The following OGA variants were observed in gnomAD, a reference collection of about 807,000 sequenced individuals.
The protein encoded by OGA is protein O-GlcNAcase.
A neutral mutation model predicts 102.0 loss-of-function variants in OGA; 21 were observed. That is an observed-to-expected ratio of 0.21 (90% confidence interval 0.15 to 0.30). The LOEUF (loss-of-function observed/expected upper bound fraction) is 0.30. OGA is among the 10% of genes least tolerant of loss of function. The pLI is 1.00. For synonymous variants in OGA, 408 were observed against 378.2 expected, an observed-to-expected ratio of 1.08 and a Z score of -0.91; for missense variants, 765 against 1,107.8, an observed-to-expected ratio of 0.69 and a Z score of 4.39.
intron 10 of OGA, among the ~76,000 whole-genome samples, chr10:101,795,651 G>A (rs2065305102): frequency 6.6e-6 from 1 of 152,040 alleles, no homozygotes. Context: ...TACTCTCCCT[G>A]TCGTGAGCTT....
intron 10 of OGA, 94 bp downstream of exon 10, chr10:101,797,886 G>C: frequency 7.9e-7 from 1 of 1,269,594 alleles, no homozygotes; most frequent in Non-Finnish European, 1.1e-6. Context: ...ACTTGGAAAT[G>C]TGCCAATTCC....
rs953733175 is a variant in OGA, at chr10:101,807,847, T to A, written c.535A>T (p.Asn179Tyr). 2 of 1,606,296 alleles carry A rather than the reference T, an allele frequency of 1.2e-6. No individual in the cohort carries two copies. The highest frequency in any genetic ancestry group is 2.7e-5 in the African/African-American group (2 of 74,278). The change falls in exon 5 of 16, where the codon AAT (asparagine) becomes TAT (tyrosine). Residue 179 changes from asparagine (N) to tyrosine (Y), a missense_variant. Physicochemically the swap from Asn to Tyr is moderately radical, Grantham distance 143. Coordinates refer to ENST00000361464, the MANE Select transcript of OGA (RefSeq NM_012215.5). Reference sequence around the variant, plus strand: ...ACCTCTTTGTCTGCTGCACACATATTATGGTCTATATCATCAAAAAGCAAA... The same window carrying A: ...ACCTCTTTGTCTGCTGCACACATATAATGGTCTATATCATCAAAAAGCAAA... The part of the protein sequence containing the change: ...FALLFDDIDH[N>Y]MCAADKEVFS...
chr10:101,813,286 A>T (rs1238101463), intron 2 of OGA, among the ~76,000 whole-genome samples, 159 bp from the exon 3 acceptor site: 1 of 152,244 alleles, frequency 6.6e-6, no homozygotes, highest in Non-Finnish European at 1.5e-5. Flanking sequence ...TAAAAAAATT[A>T]AGTATTACAA....
At chr10:101,801,113 A>T (rs2065385777) in intron 7 of OGA, among the ~76,000 whole-genome samples, 1 of 151,812 alleles carries the variant, frequency 6.6e-6, no homozygotes, top group Admixed American at 6.6e-5. Flanking sequence ...AGAAGAGGCC[A>T]GGCATGGTGG....
intron 1 of OGA, among the ~76,000 whole-genome samples, chr10:101,816,354 GA>G (rs1268432216): frequency 6.6e-6 from 1 of 152,192 alleles, no homozygotes; most frequent in East Asian, 1.9e-4. Context: ...GAGGGAGGAG[GA>G]ATAAACGAGA....
At chr10:101,796,720 G>A (rs1355504611) in intron 10 of OGA, among the ~76,000 whole-genome samples, 3 of 151,972 alleles carry the variant, frequency 2.0e-5, no homozygotes, top group East Asian at 1.9e-4. Flanking sequence ...ACAGGCATGC[G>A]CCACCACGCC....
intron 12 of OGA, 33 bp from the exon 13 acceptor site, chr10:101,791,472 A>G (rs748453743): frequency 6.4e-7 from 1 of 1,563,028 alleles, no homozygotes; most frequent in Admixed American, 1.7e-5. Context: ...CAACACATCA[A>G]GAAAAATGGC....
intron 10 of OGA, chr10:101,797,717 C>G (rs1206653853): frequency 8.7e-6 from 5 of 575,458 alleles, no homozygotes; most frequent in Non-Finnish European, 1.5e-5. Flanking sequence ...TCAGTCAGAG[C>G]AAGTTAAAGT....
chr10:101,798,724 A>G lies in OGA; in HGVS notation c.1809+118T>C, dbSNP rs138825353. 7.4e-4 allele frequency: 962 copies of G among 1,305,230 alleles called. 1 individual carries two copies. The highest frequency in any genetic ancestry group is 9.2e-4 in the Non-Finnish European group (882 of 960,482). The allele number at this position is 1,305,230 out of a possible 1,614,324, so 80.9% of individuals were successfully genotyped here. ...CCATCATAACCGGCCTAAAGAACAT[A>G]TTCTAAAACATGGTCAATTTTCTGT... On this transcript the variant is annotated intron_variant, in intron 9 of 15. Coordinates refer to ENST00000361464, the MANE Select transcript of OGA (RefSeq NM_012215.5).
At chr10:101,789,014 A>G (rs1430100628) in intron 14 of OGA, among the ~76,000 whole-genome samples, 1 of 152,210 alleles carries the variant, frequency 6.6e-6, no homozygotes. Context: ...ATTTTATGTT[A>G]TTTATATTTT....
intron 12 of OGA, 92 bp from the exon 13 acceptor site, chr10:101,791,531 C>G: frequency 1.1e-6 from 1 of 901,854 alleles, no homozygotes. Flanking sequence ...GAGGGAGTAA[C>G]AAAATGGCCT....
Position 101,799,080 on chromosome 10 carries a change from A to G in OGA, c.1571T>C (p.Ile524Thr), listed in dbSNP as rs747252370. The change falls in exon 9 of 16, where the codon ATT (isoleucine) becomes ACT (threonine). Residue 524 changes from isoleucine (I) to threonine (T), a missense_variant. By Grantham distance (89) the Ile-to-Thr change is moderately conservative. Transcript: ENST00000361464. Reference sequence around the variant, plus strand: ...CTGTTCATCAGTTTGCATGGGGGCAATGTCACTAATACAATCTTCTTGCAT... The same window carrying G: ...CTGTTCATCAGTTTGCATGGGGGCAGTGTCACTAATACAATCTTCTTGCAT... ...MSMQEDCISD[I>T]APMQTDEQTN... The G allele has an allele frequency of 2.5e-6, 4 of 1,614,202 alleles. No homozygotes were observed. Among genetic ancestry groups the G allele is most frequent in the South Asian group, 1.1e-5 (1 of 91,086 alleles).
Position 101,799,175 on chromosome 10 carries a change from C to T in OGA, c.1476G>A (p.Met492Ile). ...QILSEIVEAKMAEELKPMDTD... is the reference protein window; with the variant it reads ...QILSEIVEAKIAEELKPMDTD... Reference sequence around the variant, plus strand: ...TGTCCATTGGTTTCAATTCCTCTGCCATTTTCGCTTCAACAATTTCACTCA... The same window carrying T: ...TGTCCATTGGTTTCAATTCCTCTGCTATTTTCGCTTCAACAATTTCACTCA... Residue 492 changes from methionine to isoleucine, a missense_variant, in exon 9 of 16, where the codon ATG (methionine) becomes ATA (isoleucine). Physicochemically the swap from Met to Ile is conservative, Grantham distance 10. Around this residue, in one of 7 missense-constraint regions of OGA, gnomAD observed 281 missense variants for 345.8 expected, o/e 0.81. Transcript: ENST00000361464. 6.2e-7 allele frequency: 1 copy of T among 1,614,218 alleles called. No homozygotes were observed.
chr10:101,797,975 C>G lies in OGA; in HGVS notation c.1984+5G>C, dbSNP rs1346228517. 6.2e-7 allele frequency: 1 copy of G among 1,610,502 alleles called. No homozygotes were observed. Among genetic ancestry groups the G allele is most frequent in the Non-Finnish European group, 8.5e-7 (1 of 1,177,784 alleles). On this transcript the variant is annotated splice_donor_5th_base_variant and intron_variant, in intron 10 of 15. Transcript: ENST00000361464. ...AGGAGAAGAGATTATTCCTGGTGCACCTACCTAACCACTGTACAAAAGACT... is the reference window on the plus strand; with the variant it reads ...AGGAGAAGAGATTATTCCTGGTGCAGCTACCTAACCACTGTACAAAAGACT...
At chr10:101,789,638 T>TA (rs2065232989) in intron 14 of OGA, among the ~76,000 whole-genome samples, 1 of 152,124 alleles carries the variant, frequency 6.6e-6, no homozygotes, top group Admixed American at 6.5e-5. Flanking sequence ...ATATCTTATT[T>TA]ACTGTGCATA....
At chr10:101,802,348 T>C (rs896474508) in intron 7 of OGA, among the ~76,000 whole-genome samples, 1 of 152,122 alleles carries the variant, frequency 6.6e-6, no homozygotes, top group Non-Finnish European at 1.5e-5. Context: ...TACAATTGCC[T>C]ATAAGCCTTA....
In OGA at chr10:101,818,215, G is replaced by A. The variant is rs1308531218; in HGVS notation, c.-193C>T. On this transcript the variant is annotated 5_prime_UTR_variant, in exon 1 of 16. Transcript: ENST00000361464. ...CCGGATGAGAAGGGCGGCGGCACCGGCGCGAGCCCTTTGTCAGCCGCAGCC... is the reference window on the plus strand; with the variant it reads ...CCGGATGAGAAGGGCGGCGGCACCGACGCGAGCCCTTTGTCAGCCGCAGCC... 18 of 1,343,182 alleles carry A rather than the reference G, an allele frequency of 1.3e-5. No homozygotes were observed. Among genetic ancestry groups the A allele is most frequent in the South Asian group, 1.9e-5 (1 of 52,408 alleles). 83.2% of individuals were successfully genotyped at this position (1,343,182 alleles called of 1,614,324 possible). A position where few individuals can be genotyped will look rare whatever the true frequency, so the allele number is the denominator to read the frequency against.
intron 12 of OGA, among the ~76,000 whole-genome samples, chr10:101,791,754 C>G (rs1053680870): frequency 2.0e-5 from 3 of 152,132 alleles, no homozygotes; most frequent in African/African-American, 7.2e-5. Flanking sequence ...GCAGCCTCCA[C>G]CTCCTGGGTT....
At chr10:101,800,493 T>C (rs1232413669) in intron 7 of OGA, 93 bp from the exon 8 acceptor site, 2 of 914,204 alleles carry the variant, frequency 2.2e-6, no homozygotes, top group Non-Finnish European at 1.6e-6. Context: ...GTTTTCACAG[T>C]ATAACCACAG....
Sources: gnomAD v4.1 joint callset for allele counts (sites outside exome capture counted in the v4.1 genomes callset) on GRCh38, gnomAD v4.1.1 for gene constraint, gnomAD v4.1.1 regional missense constraint, MANE v1.5 for transcripts, NCBI Gene and HGNC (gene_info 2026-07-23, HGNC 2026-07-21) for gene names.